DPP6: variants seen among roughly 807,000 people sequenced by gnomAD.
DPP6 encodes A-type potassium channel modulatory protein DPP6.
DPP6 carries 69 observed loss-of-function variants against 122.6 expected under a neutral mutation model. The observed-to-expected ratio is 0.56, with a 90% CI of 0.46 to 0.69. DPP6 has a LOEUF of 0.69. Ranked by LOEUF, DPP6 falls within the 30% of genes least tolerant of loss-of-function variation. DPP6 has a pLI of 0.00. For synonymous variants in DPP6, 418 were observed against 433.1 expected (o/e 0.97, Z 0.43); for missense variants, 928 against 1,116.9 (o/e 0.83, Z 2.41).
At chr7:154,175,459 C>A (rs886966834) in intron 1 of DPP6, among the ~76,000 whole-genome samples, 9 of 151,964 alleles carry the variant, frequency 5.9e-5, no homozygotes, top group Non-Finnish European at 7.4e-5. Flanking sequence ...AGCAGGTTTT[C>A]CCCCCACCCC....
At chr7:154,655,169 T>TA (rs1171636921) in intron 6 of DPP6, among the ~76,000 whole-genome samples, 2 of 152,198 alleles carry the variant, frequency 1.3e-5, no homozygotes, top group Non-Finnish European at 2.9e-5. Flanking sequence ...CCTTTGGTGA[T>TA]AAAACGTTAG....
chr7:154,715,940 C>T (rs1841458598), intron 7 of DPP6, among the ~76,000 whole-genome samples: 1 of 152,188 alleles, frequency 6.6e-6, no homozygotes, highest in Non-Finnish European at 1.5e-5. Flanking sequence ...CATTTCCCAT[C>T]TTAATTCTTA....
chr7:154,187,398 C>G lies in DPP6; in HGVS notation c.243+134335C>G, dbSNP rs74819481. 2.6e-5 allele frequency among the ~76,000 whole-genome samples: 4 copies of G among 152,216 alleles called. No individual in the cohort carries two copies. The East Asian group carries it at 5.8e-4, about 22-fold the overall frequency. On this transcript the variant is annotated intron_variant, in intron 1 of 25. Coordinates refer to ENST00000377770, the MANE Select transcript of DPP6 (RefSeq NM_130797.4). ...CTTTGCTGTTTAGACTGAATGTGCA[C>G]GAGAGCCAAATGACTATTTGATTTC...
chr7:154,542,053 A>G (rs1055300159), intron 4 of DPP6, among the ~76,000 whole-genome samples: 4 of 152,194 alleles, frequency 2.6e-5, no homozygotes, highest in Admixed American at 6.5e-5. Context: ...TTTCTTTTGC[A>G]TAAAGATACC....
intron 7 of DPP6, among the ~76,000 whole-genome samples, chr7:154,675,111 T>C (rs1838805058): frequency 6.6e-6 from 1 of 152,152 alleles, no homozygotes; most frequent in Non-Finnish European, 1.5e-5. Flanking sequence ...ATTTAAATTG[T>C]GCTGTGTTTT....
chr7:153,786,522 G>A, the DPP6 span, among the ~76,000 whole-genome samples: 1 of 151,334 alleles, frequency 6.6e-6, no homozygotes, highest in Non-Finnish European at 1.5e-5. Context: ...GGCGGATCAC[G>A]AGGTCAGGAG....
intron 1 of DPP6, among the ~76,000 whole-genome samples, chr7:154,371,629 T>C (rs7794228): frequency 0.042 from 6,439 of 152,036 alleles, 438 homozygotes; most frequent in African/African-American, 0.15. Flanking sequence ...CACGTCTGTG[T>C]GCCGTGGGAT....
At chr7:154,785,983 G>T (rs374388900) in intron 10 of DPP6, among the ~76,000 whole-genome samples, 225 of 152,060 alleles carry the variant, frequency 1.5e-3, no homozygotes, top group African/African-American at 5.1e-3. Flanking sequence ...CTCTCTGAGT[G>T]CCCTCCATAG....
At chr7:153,962,991 C>G (rs1795433761) in intron 1 of DPP6, among the ~76,000 whole-genome samples, 1 of 152,172 alleles carries the variant, frequency 6.6e-6, no homozygotes, top group African/African-American at 2.4e-5. Flanking sequence ...CTTTTTGACT[C>G]TCCTACGAAG....
rs1471597521 is a variant in DPP6, at chr7:153,967,456, GT to G, written c.51+79723del. The stretch of plus-strand genomic sequence containing the variant: ...TGACAGGACAGCAGCTTGCAGTGCA[GT>G]AGTTACAACAACTCCGTAGAATTAC... On this transcript the variant is annotated intron_variant, in intron 1 of 25. Coordinates refer to the DPP6 transcript ENST00000404039. 2.0e-5 allele frequency among the ~76,000 whole-genome samples: 3 copies of G among 152,318 alleles called. No individual in the cohort carries two copies. In the South Asian group the frequency reaches 6.2e-4, roughly 32 times the overall value.
Position 154,772,624 on chromosome 7 carries a change from G to A in DPP6, c.1039-221G>A, listed in dbSNP as rs6948486. ...GGGGAGTTGGGTGGAATGGGAAGCG[G>A]ATGGGATTCTAGAAAAGCAAGAATC... On this transcript the variant is annotated intron_variant, in intron 9 of 25. Coordinates refer to ENST00000377770, the MANE Select transcript of DPP6 (RefSeq NM_130797.4). Among the ~76,000 whole-genome samples the A allele has an allele frequency of 0.034, 5,231 of 152,234 alleles. 129 individuals carry two copies. Among genetic ancestry groups the A allele is most frequent in the Middle Eastern group, 0.068 (20 of 294 alleles).
At chr7:153,885,271 C>A (rs957545821), upstream of DPP6, among the ~76,000 whole-genome samples, 4 of 152,054 alleles carry the variant, frequency 2.6e-5, no homozygotes, top group African/African-American at 9.7e-5. Context: ...GTGTAAGTGA[C>A]CTGTACTCTA....
At chr7:154,358,906 A>T (rs553473215) in intron 1 of DPP6, among the ~76,000 whole-genome samples, 1 of 152,130 alleles carries the variant, frequency 6.6e-6, no homozygotes, top group Non-Finnish European at 1.5e-5. Flanking sequence ...AGGTTTCCCT[A>T]TGCTGACCAG....
chr7:154,864,811 T>C (rs1803712356), intron 17 of DPP6, among the ~76,000 whole-genome samples: 1 of 152,218 alleles, frequency 6.6e-6, no homozygotes. Flanking sequence ...GTGTAGTCCA[T>C]GAGCGATTAG....
At chr7:153,825,567 T>C in the DPP6 span, among the ~76,000 whole-genome samples, 1 of 152,142 alleles carries the variant, frequency 6.6e-6, no homozygotes, top group Non-Finnish European at 1.5e-5. Context: ...TTTTGTTTTC[T>C]TTTCTTTATT....
chr7:154,742,384 A>C (rs1414569927), intron 8 of DPP6, among the ~76,000 whole-genome samples: 1 of 152,228 alleles, frequency 6.6e-6, no homozygotes, highest in African/African-American at 2.4e-5. Context: ...AATCTTTCAC[A>C]CATTTAGACA....
chr7:154,591,007 G>C (rs1832781614), intron 5 of DPP6, among the ~76,000 whole-genome samples: 1 of 152,190 alleles, frequency 6.6e-6, no homozygotes, highest in South Asian at 2.1e-4. Context: ...ACTGTGCTGG[G>C]TTACAGTAGT....
chr7:154,852,500 GCCTCTCCTCCCTCTCCTC>G (rs1554486772), intron 16 of DPP6, among the ~76,000 whole-genome samples: 3 of 143,946 alleles, frequency 2.1e-5, no homozygotes, highest in African/African-American at 7.7e-5. Context: ...TGCCTCTCCT[GCCTCTCCTCCCTCTCCTC>G]CCTCTCCTCC....
intron 1 of DPP6, among the ~76,000 whole-genome samples, chr7:153,943,586 C>T (rs1340724792): frequency 7.2e-5 from 11 of 152,314 alleles, no homozygotes; most frequent in Middle Eastern, 3.4e-3. Flanking sequence ...TTTCTAATGA[C>T]GTGCCTCTGT....
Sources: gnomAD v4.1 joint callset for allele counts (sites outside exome capture counted in the v4.1 genomes callset) on GRCh38, gnomAD v4.1.1 for gene constraint, MANE v1.5 for transcripts, NCBI Gene and HGNC (gene_info 2026-07-23, HGNC 2026-07-21) for gene names.